Variants in TGFBR3 observed in about 807,000 individuals in gnomAD.
TGFBR3 encodes the protein transforming growth factor beta receptor 3.
In TGFBR3, 46 loss-of-function variants were observed where a neutral mutation model predicts 87.9. The observed-to-expected ratio is 0.52, with a 90% CI of 0.41 to 0.67. TGFBR3 has a LOEUF of 0.67. Among genes scored for constraint, TGFBR3 ranks in the 30% least tolerant of loss-of-function variants. The pLI is 0.00. For missense variants in TGFBR3, 866 were observed against 1,041.9 expected (o/e 0.83, Z 2.32); for synonymous variants, 381 against 391.6 (o/e 0.97, Z 0.32).
chr1:91,684,719 G>A (rs1329732030), intron 16 of TGFBR3, among the ~76,000 whole-genome samples: 1 of 152,120 alleles, frequency 6.6e-6, no homozygotes, highest in Non-Finnish European at 1.5e-5. Context: ...TCTTCTCTTC[G>A]GCAAAACCGG....
chr1:91,853,658 A>G (rs546660043), intron 2 of TGFBR3, among the ~76,000 whole-genome samples: 2 of 152,328 alleles, frequency 1.3e-5, no homozygotes, highest in East Asian at 3.9e-4. Flanking sequence ...GCTCAGAGAA[A>G]TAAGCCAGGC....
chr1:91,812,891 G>A (rs1188152569), intron 2 of TGFBR3, among the ~76,000 whole-genome samples: 2 of 152,218 alleles, frequency 1.3e-5, no homozygotes, highest in South Asian at 2.1e-4. Flanking sequence ...TGGGATTACA[G>A]GTGTGAGCTA....
chr1:91,818,278 C>CTTTT, intron 2 of TGFBR3, among the ~76,000 whole-genome samples: 1 of 32,494 alleles, frequency 3.1e-5, no homozygotes, highest in African/African-American at 9.9e-5. Flanking sequence ...TAGCCCCAGC[C>CTTTT]TTTTTTTTTT....
At chr1:91,763,322 C>T (rs1383198456) in intron 3 of TGFBR3, among the ~76,000 whole-genome samples, 2 of 152,160 alleles carry the variant, frequency 1.3e-5, no homozygotes, top group Non-Finnish European at 2.9e-5. Context: ...AACAGCTGTC[C>T]AATTTTGCTA....
intron 1 of TGFBR3, among the ~76,000 whole-genome samples, chr1:91,868,538 C>T (rs191747287): frequency 2.7e-4 from 41 of 152,226 alleles, no homozygotes; most frequent in African/African-American, 9.6e-4. Flanking sequence ...GGCTGCAGGG[C>T]CCTTCTCGAT....
At position 91,711,158 on chromosome 1, in the gene TGFBR3, T is replaced by G. The variant is rs898375548; in HGVS notation, c.2166+1085A>C. ...ACTGTCCACTAAGCCCCAACCCTGA[T>G]GGTGAATGCCTACAAGGCTAAGGCA... is the stretch of plus-strand genomic sequence containing the variant. On this transcript the variant is annotated intron_variant, in intron 13 of 16. Transcript: ENST00000212355. 2.0e-5 allele frequency among the ~76,000 whole-genome samples: 3 copies of G among 152,196 alleles called. No homozygotes were observed. In the South Asian group the frequency reaches 6.2e-4, roughly 31 times the overall value.
rs1672183302 is a variant in TGFBR3 at position 91,716,605 on chromosome 1, C to T, written c.1670G>A (p.Gly557Glu). The T allele has an allele frequency of 6.2e-7, 1 of 1,614,130 alleles. No homozygotes were observed. The highest frequency in any genetic ancestry group is 1.3e-5 in the African/African-American group (1 of 75,042). ...DNGFPGDMDE[G>E]DASLFTRPEI... Reference sequence around the variant, plus strand: ...AGGTCGGGTGAACAGGGAAGCATCTCCTTCATCCATATCTCCCGGAAATCC... The same window carrying T: ...AGGTCGGGTGAACAGGGAAGCATCTTCTTCATCCATATCTCCCGGAAATCC... Residue 557 changes from glycine (G) to glutamate (E), a missense_variant, in exon 11 of 17, where the codon GGA becomes GAA. Transcript: ENST00000212355.
At chr1:91,740,078 A>C (rs918511875) in intron 4 of TGFBR3, among the ~76,000 whole-genome samples, 1 of 152,116 alleles carries the variant, frequency 6.6e-6, no homozygotes, top group African/African-American at 2.4e-5. Context: ...TTATTTTTTG[A>C]GATGGAGTCT....
At chr1:91,806,370 A>G (rs1675827512) in intron 2 of TGFBR3, among the ~76,000 whole-genome samples, 1 of 152,202 alleles carries the variant, frequency 6.6e-6, no homozygotes. Context: ...GAACGCAGAC[A>G]AAGCATTTGG....
In TGFBR3 at chr1:91,767,252, G is replaced by A. The variant is rs1674216453; in HGVS notation, c.247-8502C>T. 3.0e-5 allele frequency among the ~76,000 whole-genome samples: 4 copies of A among 134,076 alleles called. 2 individuals are homozygous for A. The highest frequency in any genetic ancestry group is 6.5e-5 in the Non-Finnish European group (4 of 61,082). 88.0% of individuals were successfully genotyped at this position (134,076 alleles called of 152,430 possible). On this transcript the variant is annotated intron_variant, in intron 3 of 16. Coordinates refer to ENST00000212355, the MANE Select transcript of TGFBR3 (RefSeq NM_003243.5). Reference sequence around the variant, plus strand: ...CAGGTAGCGATTTAAGATGCTCTCAGCAGCAAAGGATGGCATTTGGATTCC... The same window carrying A: ...CAGGTAGCGATTTAAGATGCTCTCAACAGCAAAGGATGGCATTTGGATTCC...
chr1:91,698,932 C>T (rs1671522324), intron 14 of TGFBR3, among the ~76,000 whole-genome samples: 1 of 152,004 alleles, frequency 6.6e-6, no homozygotes, highest in Admixed American at 6.6e-5. Context: ...CAGAGGCCCC[C>T]TTATCTCCAC....
At chr1:91,782,799 C>T (rs1055131793) in intron 3 of TGFBR3, among the ~76,000 whole-genome samples, 1 of 152,320 alleles carries the variant, frequency 6.6e-6, no homozygotes, top group South Asian at 2.1e-4. Flanking sequence ...TGCCCCTCTC[C>T]CCCAAGGCAC....
At chr1:91,856,449 C>G (rs1031805283) in intron 2 of TGFBR3, among the ~76,000 whole-genome samples, 3 of 151,810 alleles carry the variant, frequency 2.0e-5, no homozygotes, top group Non-Finnish European at 4.4e-5. Flanking sequence ...CCTTCATTCA[C>G]TCTCTATCAC....
At chr1:91,820,962 C>T (rs1449117116) in intron 2 of TGFBR3, among the ~76,000 whole-genome samples, 2 of 152,134 alleles carry the variant, frequency 1.3e-5, no homozygotes, top group Non-Finnish European at 2.9e-5. Flanking sequence ...GTTGGAGACA[C>T]GAGAGGAACT....
At chr1:91,684,350 AAT>A (rs1436577903) in intron 16 of TGFBR3, among the ~76,000 whole-genome samples, 2 of 152,212 alleles carry the variant, frequency 1.3e-5, no homozygotes, top group African/African-American at 4.8e-5. Flanking sequence ...ACAGGAGTGA[AAT>A]ATAGACTTTG....
chr1:91,842,884 C>CCAAAA (rs978763552), intron 2 of TGFBR3, among the ~76,000 whole-genome samples: 3 of 152,182 alleles, frequency 2.0e-5, no homozygotes, highest in African/African-American at 4.8e-5. Context: ...ACTCAAATCT[C>CCAAAA]CAAAACAAAA....
At chr1:91,695,836 G>T in intron 15 of TGFBR3, 57 bp from the exon 16 acceptor site, 2 of 1,350,814 alleles carry the variant, frequency 1.5e-6, no homozygotes, top group Non-Finnish European at 2.1e-6. Context: ...ATCATGCATT[G>T]CAATTTTATA....
intron 3 of TGFBR3, among the ~76,000 whole-genome samples, chr1:91,771,489 G>C (rs2100933287): frequency 6.6e-6 from 1 of 152,156 alleles, no homozygotes; most frequent in South Asian, 2.1e-4. Context: ...TGGATCCTGA[G>C]GTCAGGAGGT....
At chr1:91,773,796 A>G (rs369366207) in intron 3 of TGFBR3, among the ~76,000 whole-genome samples, 1 of 152,244 alleles carries the variant, frequency 6.6e-6, no homozygotes, top group African/African-American at 2.4e-5. Context: ...CTCAATTAAA[A>G]GGAACAATTT....
Sources: allele counts gnomAD v4.1 joint callset (sites outside exome capture counted in the v4.1 genomes callset), GRCh38; gene constraint gnomAD v4.1.1; transcripts MANE v1.5; gene names NCBI Gene and HGNC (gene_info 2026-07-23, HGNC 2026-07-21).